SLC30A5: variants seen among roughly 807,000 people sequenced by gnomAD.
The protein encoded by SLC30A5 is proton-coupled zinc antiporter SLC30A5.
In SLC30A5, 33 loss-of-function variants were observed where a neutral mutation model predicts 79.6. The observed-to-expected ratio is 0.41, with a 90% CI of 0.31 to 0.55. The LOEUF (loss-of-function observed/expected upper bound fraction) is 0.55, where lower values mean the gene tolerates loss of function less well. Ranked by LOEUF, SLC30A5 falls within the 20% of genes least tolerant of loss-of-function variation. The probability of loss-of-function intolerance (pLI) is 0.20; values close to 1 mark genes in which losing one functional copy is unlikely to be tolerated. For missense variants in SLC30A5, 788 were observed against 928.1 expected, an observed-to-expected ratio of 0.85 and a Z score of 1.96; for synonymous variants, 299 against 319.7, an observed-to-expected ratio of 0.94 and a Z score of 0.69.
At chr5:69,119,951 A>G (rs1746489943) in intron 12 of SLC30A5, among the ~76,000 whole-genome samples, 1 of 147,858 alleles carries the variant, frequency 6.8e-6, no homozygotes, top group Non-Finnish European at 1.5e-5. Flanking sequence ...ACCACGAGGC[A>G]GAGGCTTCAG....
chr5:69,127,396 A>G (rs979077387), intron 14 of SLC30A5, among the ~76,000 whole-genome samples: 1 of 148,324 alleles, frequency 6.7e-6, no homozygotes, highest in African/African-American at 2.5e-5. Context: ...CGGGAGGCTG[A>G]GGTGGGTGGA....
chr5:69,104,484 G>GA, intron 3 of SLC30A5, 147 bp from the exon 4 acceptor site: 1 of 1,390,838 alleles, frequency 7.2e-7, no homozygotes, highest in East Asian at 2.9e-5. Context: ...TTAGTCAAGG[G>GA]ATCTTATGTT....
intron 1 of SLC30A5, among the ~76,000 whole-genome samples, chr5:69,097,986 C>T (rs535256837): frequency 3.3e-5 from 5 of 152,096 alleles, no homozygotes; most frequent in South Asian, 2.1e-4. Flanking sequence ...GACGTGGAGA[C>T]GGGAGAGGAG....
intron 2 of SLC30A5, 54 bp downstream of exon 2, chr5:69,100,983 G>C: frequency 2.0e-6 from 3 of 1,491,140 alleles, no homozygotes; most frequent in Non-Finnish European, 2.7e-6. Flanking sequence ...TGAAAATCCT[G>C]TTTTAACAGA....
chr5:69,100,383 C>T (rs956026133), intron 1 of SLC30A5, among the ~76,000 whole-genome samples: 5 of 152,156 alleles, frequency 3.3e-5, no homozygotes, highest in Non-Finnish European at 7.3e-5. Context: ...ACTGCTACCA[C>T]GCACCATAAT....
rs766430686 is a variant in SLC30A5, at chr5:69,116,504, A to G, written c.1183A>G (p.Ser395Gly). The G allele has an allele frequency of 4.3e-6, 7 of 1,612,982 alleles. No individual in the cohort carries two copies. The South Asian group carries it at 4.4e-5, about 10-fold the overall frequency. Residue 395 changes from serine to glycine, a missense_variant, in exon 10 of 16, where the codon AGC becomes GGC. Ser to Gly is a moderately conservative substitution (Grantham distance 56). Coordinates refer to ENST00000396591, the MANE Select transcript of SLC30A5 (RefSeq NM_022902.5). The surrounding 1 kb of genome is among the most constrained non-coding windows in gnomAD (Gnocchi z 4.0). ...YNFMGDAFQH[S>G]SQSIPRFIKE... is the part of the protein sequence containing the mutation. ...CTTCATGGGTGATGCTTTTCAGCAT[A>G]GCTCTCAATCGATCCCTAGGTTTAT...
intron 3 of SLC30A5, chr5:69,104,235 T>C: frequency 1.6e-6 from 1 of 643,608 alleles, no homozygotes; most frequent in Non-Finnish European, 2.3e-6. Context: ...CCTCCCGGGT[T>C]CAAGCGATTC....
intron 12 of SLC30A5, 129 bp downstream of exon 12, chr5:69,118,757 C>T: frequency 1.7e-6 from 1 of 593,458 alleles, no homozygotes. Flanking sequence ...ACATAACTTC[C>T]TATCTTGCTG....
chr5:69,116,411 T>C lies in SLC30A5; in HGVS notation c.1090T>C (p.Ser364Pro). 6.3e-7 allele frequency: 1 copy of C among 1,583,504 alleles called. No individual in the cohort carries two copies. The highest frequency in any genetic ancestry group is 8.5e-7 in the Non-Finnish European group (1 of 1,170,666). Residue 364 changes from serine to proline, a missense_variant, in exon 10 of 16, where the codon TCT becomes CCT. By Grantham distance (74) the Ser-to-Pro change is moderately conservative. This residue lies in a region of SLC30A5 where 626 missense variants were observed against 755.5 expected (regional missense o/e 0.83). Transcript: ENST00000396591. The surrounding 1 kb of genome is among the most constrained non-coding windows in gnomAD (Gnocchi z 4.0). Reference sequence around the variant, plus strand: ...CTTTGTAGCTGCCAATATCTTATCATCTCCCTCTAAGAGAGGACAAAAAGG... The same window carrying C: ...CTTTGTAGCTGCCAATATCTTATCACCTCCCTCTAAGAGAGGACAAAAAGG... The part of the protein sequence containing the change: ...FFILSANILS[S>P]PSKRGQKGTL...
Position 69,117,339 on chromosome 5 carries a change from T to C in SLC30A5, c.1382T>C (p.Met461Thr), listed in dbSNP as rs1415898158. 1.2e-6 allele frequency: 2 copies of C among 1,614,128 alleles called. No individual in the cohort carries two copies. Among genetic ancestry groups the C allele is most frequent in the Admixed American group, 3.3e-5 (2 of 59,990 alleles). The change falls in exon 11 of 16, where the codon ATG (methionine) becomes ACG (threonine). Residue 461 changes from methionine to threonine, a missense_variant. Around this residue, in one of 3 missense-constraint regions of SLC30A5, gnomAD observed 626 missense variants for 755.5 expected, o/e 0.83. Transcript: ENST00000396591. ...HMLFDCSALVMGLFAALMSRW... is the reference protein window; with the variant it reads ...HMLFDCSALVTGLFAALMSRW... ...CTTTTTGACTGCTCTGCTTTAGTCA[T>C]GGGACTTTTTGCTGCCCTGATGAGT...
chr5:69,129,793 T>G lies in SLC30A5; in HGVS notation c.*176T>G, dbSNP rs1580192935. Reference sequence around the variant, plus strand: ...TAAATACAGAATGAAACATTAATGGTAAAAGTGGAGTAATTATTTAAATTA... The same window carrying G: ...TAAATACAGAATGAAACATTAATGGGAAAAGTGGAGTAATTATTTAAATTA... On this transcript the variant is annotated 3_prime_UTR_variant, in exon 16 of 16. Coordinates refer to ENST00000396591, the MANE Select transcript of SLC30A5 (RefSeq NM_022902.5). The G allele has an allele frequency of 4.2e-6, 2 of 479,268 alleles. No individual in the cohort carries two copies. The highest frequency in any genetic ancestry group is 6.7e-5 in the East Asian group (2 of 29,978). 29.7% of individuals were successfully genotyped at this position (479,268 alleles called of 1,614,324 possible).
Position 69,113,147 on chromosome 5 carries a change from G to T in SLC30A5, c.455G>T (p.Gly152Val). The T allele has an allele frequency of 1.2e-6, 2 of 1,611,946 alleles. No individual in the cohort carries two copies. The highest frequency in any genetic ancestry group is 1.7e-6 in the Non-Finnish European group (2 of 1,179,420). Reference sequence around the variant, plus strand: ...TGTTTTCTTTATTTTCAGACAAGGGGAGCTGCTTTTTTCATTATTGCTGTG... The same window carrying T: ...TGTTTTCTTTATTTTCAGACAAGGGTAGCTGCTTTTTTCATTATTGCTGTG... ...SSGGGPAKTR[G>V]AAFFIIAVIC... Residue 152 changes from glycine (G) to valine (V), a missense_variant, in exon 6 of 16, where the codon GGA becomes GTA. By Grantham distance (109) the Gly-to-Val change is moderately radical. Coordinates refer to ENST00000396591, the MANE Select transcript of SLC30A5 (RefSeq NM_022902.5).
intron 11 of SLC30A5, among the ~76,000 whole-genome samples, chr5:69,118,102 A>G (rs1012680432): frequency 6.7e-6 from 1 of 148,638 alleles, no homozygotes; most frequent in South Asian, 2.1e-4. Flanking sequence ...GTGTGAACCC[A>G]GGAGGCGGAG....
Position 69,116,678 on chromosome 5 carries a change from G to A in SLC30A5, c.1281+76G>A, listed in dbSNP as rs950144351. ...TTTTGACAGTTCTGGTATAAGTTTA[G>A]TACTTCCCAAATTTCTGATAATAAG... On this transcript the variant is annotated intron_variant, in intron 10 of 15. Transcript: ENST00000396591. The surrounding 1 kb of genome is among the most constrained non-coding windows in gnomAD (Gnocchi z 4.0). 1.0e-5 allele frequency: 10 copies of A among 971,314 alleles called. No homozygotes were observed. In the South Asian group the frequency reaches 1.0e-4, roughly 10 times the overall value. The allele number at this position is 971,314 out of a possible 1,614,324, so 60.2% of individuals were successfully genotyped here.
chr5:69,118,488 T>C lies in SLC30A5; in HGVS notation c.1440-11T>C. ...CCTTTTCCTTTTCTGAAAAATGTTC[T>C]ATGTTTTTAGGTACGGCCGAATAGA... On this transcript the variant is annotated splice_polypyrimidine_tract_variant and intron_variant, in intron 11 of 15. Transcript: ENST00000396591. 1 of 1,589,982 alleles carries C rather than the reference T, an allele frequency of 6.3e-7. No individual in the cohort carries two copies. Among genetic ancestry groups the C allele is most frequent in the Non-Finnish European group, 8.5e-7 (1 of 1,171,004 alleles).
At chr5:69,109,519 A>C (rs1400965813) in intron 5 of SLC30A5, among the ~76,000 whole-genome samples, 1 of 152,144 alleles carries the variant, frequency 6.6e-6, no homozygotes, top group Non-Finnish European at 1.5e-5. Context: ...CAAGCAAGAT[A>C]TAGAACTGAT....
At chr5:69,119,708 T>C (rs2111986696) in intron 12 of SLC30A5, among the ~76,000 whole-genome samples, 1 of 152,262 alleles carries the variant, frequency 6.6e-6, no homozygotes, top group Non-Finnish European at 1.5e-5. Flanking sequence ...ACATAAACAT[T>C]CACACAAACA....
At position 69,097,912 on chromosome 5, in the gene SLC30A5, A is replaced by G. The variant is rs141289882; in HGVS notation, c.84-2895A>G. On this transcript the variant is annotated intron_variant, in intron 1 of 15. Transcript: ENST00000396591. ...GATGAAAAACCAGGCTAAGTAACCT[A>G]TATTGATAAGCAGACATTCCTAGTT... 2.4e-3 allele frequency among the ~76,000 whole-genome samples: 363 copies of G among 152,260 alleles called. 1 individual carries two copies. The highest frequency in any genetic ancestry group is 8.2e-3 in the African/African-American group (340 of 41,562).
At chr5:69,102,916 G>T in intron 2 of SLC30A5, 146 bp from the exon 3 acceptor site, 1 of 383,782 alleles carries the variant, frequency 2.6e-6, no homozygotes, top group East Asian at 4.4e-5. Context: ...ACTAAAATAA[G>T]TATAATTAAT....
Sources: allele counts gnomAD v4.1 joint callset (sites outside exome capture counted in the v4.1 genomes callset), GRCh38; gene constraint gnomAD v4.1.1; regional missense constraint gnomAD v4.1.1; non-coding constraint Gnocchi (gnomAD v3.1); transcripts MANE v1.5; gene names NCBI Gene and HGNC (gene_info 2026-07-23, HGNC 2026-07-21).